Variants in SERINC5 observed in about 807,000 individuals in gnomAD.
SERINC5 encodes the protein serine incorporator 5.
In SERINC5, 41 loss-of-function variants were observed where a neutral mutation model predicts 63.1. That is an observed-to-expected ratio of 0.65 (90% CI 0.51 to 0.84). The LOEUF (loss-of-function observed/expected upper bound fraction) is 0.84, where lower values mean the gene tolerates loss of function less well. Among genes scored for constraint, SERINC5 ranks in the 40% least tolerant of loss-of-function variants. SERINC5 has a pLI of 0.00. For missense variants in SERINC5, 523 were observed against 573.0 expected (o/e 0.91, Z 0.89); for synonymous variants, 222 against 215.2 (o/e 1.03, Z -0.28).
intron 5 of SERINC5, among the ~76,000 whole-genome samples, chr5:80,173,309 AAAG>A (rs1252868320): frequency 9.9e-5 from 15 of 152,110 alleles, no homozygotes; most frequent in Non-Finnish European, 2.1e-4. Context: ...AATGAAAAGA[AAAG>A]AAGCCGGGTG....
At chr5:80,130,693 G>A (rs1424016617) in intron 11 of SERINC5, among the ~76,000 whole-genome samples, 1 of 152,002 alleles carries the variant, frequency 6.6e-6, no homozygotes, top group Non-Finnish European at 1.5e-5. Flanking sequence ...ATTTCAATTG[G>A]CATTTAAAAG....
chr5:80,174,850 G>C (rs1220080388), intron 5 of SERINC5, 104 bp downstream of exon 5: 4 of 705,158 alleles, frequency 5.7e-6, no homozygotes, highest in Non-Finnish European at 9.4e-6. Flanking sequence ...CAGGTATAAA[G>C]GGAAACAAAA....
intron 12 of SERINC5, among the ~76,000 whole-genome samples, chr5:80,112,009 G>C (rs576903048): frequency 6.6e-6 from 1 of 152,350 alleles, no homozygotes; most frequent in Admixed American, 6.5e-5. Flanking sequence ...ATGCACTGCG[G>C]AAAGCCGCAG....
At chr5:80,238,788 C>CA (rs34850558) in intron 1 of SERINC5, among the ~76,000 whole-genome samples, 1,401 of 98,572 alleles carry the variant, frequency 0.014, 20 homozygotes, top group African/African-American at 0.034. Context: ...GACTTCATCT[C>CA]AAAAAAAAAA....
intron 7 of SERINC5, among the ~76,000 whole-genome samples, 189 bp from the exon 8 acceptor site, chr5:80,159,151 T>C (rs1012885428): frequency 6.6e-5 from 10 of 152,186 alleles, no homozygotes; most frequent in Non-Finnish European, 1.0e-4. Context: ...TCAAAGAACA[T>C]TCTCCCACAT....
chr5:80,216,820 G>C lies in SERINC5; in HGVS notation c.28-13767C>G, dbSNP rs550368071. ...GAGTCCAGGAGTTTGAGACCAGCCT[G>C]GGTAACATAGTGAGACACTGTCTCT... On this transcript the variant is annotated intron_variant, in intron 1 of 11. Coordinates refer to ENST00000507668, the MANE Select transcript of SERINC5 (RefSeq NM_001174072.3). Among the ~76,000 whole-genome samples the C allele has an allele frequency of 7.7e-4, 117 of 152,160 alleles. 1 individual carries two copies. The highest frequency in any genetic ancestry group is 2.7e-3 in the African/African-American group (114 of 41,510).
At chr5:80,170,079 C>T (rs962853406) in intron 5 of SERINC5, among the ~76,000 whole-genome samples, 1 of 152,212 alleles carries the variant, frequency 6.6e-6, no homozygotes, top group South Asian at 2.1e-4. Flanking sequence ...GCCCAGTAAA[C>T]CCTGCTATAC....
chr5:80,219,450 T>C (rs1750805419), intron 1 of SERINC5, among the ~76,000 whole-genome samples: 1 of 152,206 alleles, frequency 6.6e-6, no homozygotes, highest in Non-Finnish European at 1.5e-5. Flanking sequence ...CTTCCACTTC[T>C]AGCTTGAAGT....
At chr5:80,242,239 T>A (rs1751972489) in intron 1 of SERINC5, among the ~76,000 whole-genome samples, 1 of 152,194 alleles carries the variant, frequency 6.6e-6, no homozygotes, top group Non-Finnish European at 1.5e-5. Flanking sequence ...AAAAGCATAC[T>A]TTTAAGTATA....
chr5:80,125,567 G>A (rs1342210679), intron 11 of SERINC5, among the ~76,000 whole-genome samples: 3 of 152,290 alleles, frequency 2.0e-5, no homozygotes, highest in Non-Finnish European at 4.4e-5. Context: ...TAGATATGAA[G>A]GAACTTGAAA....
intron 9 of SERINC5, among the ~76,000 whole-genome samples, chr5:80,149,050 T>G (rs1746006071): frequency 6.6e-6 from 1 of 152,210 alleles, no homozygotes; most frequent in Non-Finnish European, 1.5e-5. Context: ...CAAAGTTGTA[T>G]CCTGTGAAAT....
At chr5:80,204,274 T>G (rs902942724) in intron 1 of SERINC5, among the ~76,000 whole-genome samples, 2 of 152,190 alleles carry the variant, frequency 1.3e-5, no homozygotes, top group Non-Finnish European at 2.9e-5. Flanking sequence ...ATGGAAGGCC[T>G]AGATTTGCAA....
intron 1 of SERINC5, among the ~76,000 whole-genome samples, chr5:80,225,156 G>A (rs112609267): frequency 0.012 from 1,817 of 152,188 alleles, 44 homozygotes; most frequent in African/African-American, 0.041. Context: ...GCCCAGTCTG[G>A]TCTCAAACTC....
intron 11 of SERINC5, among the ~76,000 whole-genome samples, chr5:80,124,367 G>T (rs1379013908): frequency 6.6e-6 from 1 of 152,160 alleles, no homozygotes; most frequent in African/African-American, 2.4e-5. Context: ...CTACCACAAG[G>T]CTTTTCCACA....
At position 80,142,961 on chromosome 5, in the gene SERINC5, G is replaced by A; in HGVS notation, c.*702C>T. 2.0e-6 allele frequency: 2 copies of A among 985,410 alleles called. No individual in the cohort carries two copies. The highest frequency in any genetic ancestry group is 4.7e-5 in the South Asian group (1 of 21,280). The allele number at this position is 985,410 out of a possible 1,614,324, so 61.0% of individuals were successfully genotyped here. On this transcript the variant is annotated 3_prime_UTR_variant, in exon 12 of 12. Coordinates refer to ENST00000507668, the MANE Select transcript of SERINC5 (RefSeq NM_001174072.3). ...TAATAAGGTGGGGAACCACCTGGGG[G>A]GTGATCAGACAAATTGTGCTTTTTC...
chr5:80,141,971 T>C lies in SERINC5; in HGVS notation c.*1692A>G, dbSNP rs747522496. On this transcript the variant is annotated 3_prime_UTR_variant, in exon 12 of 12. Coordinates refer to ENST00000507668, the MANE Select transcript of SERINC5 (RefSeq NM_001174072.3). ...CTTGGGAGAAGGGCAAAGGAATGAATAGAAAGAATTTCACTAATTTCACCC... is the reference window on the plus strand; with the variant it reads ...CTTGGGAGAAGGGCAAAGGAATGAACAGAAAGAATTTCACTAATTTCACCC... The C allele has an allele frequency of 4.8e-5, 47 of 985,254 alleles. No individual in the cohort carries two copies. Among genetic ancestry groups the C allele is most frequent in the Non-Finnish European group, 5.4e-5 (45 of 829,920 alleles). 61.0% of individuals were successfully genotyped at this position (985,254 alleles called of 1,614,324 possible). A position where few individuals can be genotyped will look rare whatever the true frequency, so the allele number is the denominator to read the frequency against.
rs182661980 is a variant in SERINC5, at chr5:80,190,373, A to G, written c.196-12309T>C. Among the ~76,000 whole-genome samples, 15 of 152,284 alleles carry G rather than the reference A, an allele frequency of 9.9e-5. No individual in the cohort carries two copies. The East Asian group carries it at 1.2e-3, about 12-fold the overall frequency. On this transcript the variant is annotated intron_variant, in intron 2 of 11. Transcript: ENST00000507668. Reference sequence around the variant, plus strand: ...GTGATCCTCCCATCTTGGTCTGCCAAAGTGCTGGGATTACAGACATGAGCA... The same window carrying G: ...GTGATCCTCCCATCTTGGTCTGCCAGAGTGCTGGGATTACAGACATGAGCA...
intron 1 of SERINC5, among the ~76,000 whole-genome samples, chr5:80,235,583 A>G (rs769608227): frequency 1.3e-5 from 2 of 152,054 alleles, no homozygotes; most frequent in South Asian, 4.1e-4. Context: ...TTTTAATGGT[A>G]ATTTTTTTGT....
intron 11 of SERINC5, among the ~76,000 whole-genome samples, chr5:80,122,724 A>C (rs1186734244): frequency 2.0e-5 from 3 of 152,240 alleles, no homozygotes; most frequent in African/African-American, 7.2e-5. Context: ...TTGAAGTATG[A>C]GGAAGACTCA....
Sources: allele counts gnomAD v4.1 joint callset (sites outside exome capture counted in the v4.1 genomes callset), GRCh38; gene constraint gnomAD v4.1.1; transcripts MANE v1.5; gene names NCBI Gene and HGNC (gene_info 2026-07-23, HGNC 2026-07-21).